The following STK10 variants were observed in gnomAD, a reference collection of about 807,000 sequenced individuals.
The protein encoded by STK10 is serine/threonine-protein kinase 10.
In STK10, 78 loss-of-function variants were observed where a neutral mutation model predicts 113.8. The ratio of observed to expected loss-of-function variants is 0.69; its 90% confidence interval spans 0.57 to 0.83. The LOEUF is 0.83. Ranked by LOEUF, STK10 falls within the 40% of genes least tolerant of loss-of-function variation. The pLI is 0.00. For missense variants in STK10, 1,109 were observed against 1,280.1 expected (o/e 0.87, Z 2.04); for synonymous variants, 465 against 494.7 (o/e 0.94, Z 0.80).
intron 13 of STK10, among the ~76,000 whole-genome samples, chr5:172,062,968 G>A (rs1767968344): frequency 6.6e-6 from 1 of 152,118 alleles, no homozygotes; most frequent in Non-Finnish European, 1.5e-5. Context: ...GTGATCTTCT[G>A]GCCAGGTGCA....
At chr5:172,115,350 G>A (rs10073070) in intron 4 of STK10, among the ~76,000 whole-genome samples, 7,631 of 152,208 alleles carry the variant, frequency 0.05, 661 homozygotes, top group African/African-American at 0.17. Context: ...AGATGATGCC[G>A]GGAAATGTGA....
At chr5:172,089,970 C>T (rs577884256) in intron 10 of STK10, among the ~76,000 whole-genome samples, 3 of 150,130 alleles carry the variant, frequency 2.0e-5, no homozygotes, top group South Asian at 2.1e-4. Flanking sequence ...GATGGGTAGA[C>T]GGATGGGTGG....
In STK10 at chr5:172,082,419, G is replaced by T. The variant is rs762762592; in HGVS notation, c.1896C>A (p.Ala632=). The change falls in exon 12 of 19, where the codon GCC becomes GCA. Residue 632 remains alanine (A), a synonymous_variant. Coordinates refer to ENST00000176763, the MANE Select transcript of STK10 (RefSeq NM_005990.4). This position sits in a 1 kb window ranked among gnomAD's most constrained non-coding sequence, Gnocchi z 4.3. Reference sequence around the variant, plus strand: ...GCCTGGCCTCCTCCCGGCGGCGCACGGCATGGTCTTGCTCCATCTTCTCCA... The same window carrying T: ...GCCTGGCCTCCTCCCGGCGGCGCACTGCATGGTCTTGCTCCATCTTCTCCA... ...QQVEKMEQDH[A]VRRREEARRI... The T allele has an allele frequency of 3.1e-6, 5 of 1,611,762 alleles. No individual in the cohort carries two copies. The South Asian group carries it at 4.4e-5, about 14-fold the overall frequency.
At chr5:172,175,850 A>C (rs1026260006) in intron 1 of STK10, among the ~76,000 whole-genome samples, 2 of 152,180 alleles carry the variant, frequency 1.3e-5, no homozygotes, top group Non-Finnish European at 2.9e-5. Context: ...TGTGACCCTG[A>C]GTAAGTCACT....
intron 3 of STK10, among the ~76,000 whole-genome samples, chr5:172,124,800 G>A (rs1480874606): frequency 6.6e-6 from 1 of 152,072 alleles, no homozygotes; most frequent in African/African-American, 2.4e-5. Flanking sequence ...AACGGTCTCT[G>A]TGCAACTGCC....
At chr5:172,150,576 G>A (rs548189760) in intron 2 of STK10, among the ~76,000 whole-genome samples, 3 of 152,036 alleles carry the variant, frequency 2.0e-5, no homozygotes, top group African/African-American at 7.2e-5. Context: ...AAAGTACACA[G>A]CACTGTCAGC....
At position 172,055,658 on chromosome 5, in the gene STK10, G is replaced by A; in HGVS notation, c.2456C>T (p.Ala819Val). Residue 819 changes from alanine (A) to valine (V), a missense_variant, in exon 16 of 19, where the codon GCC (alanine) becomes GTC (valine). Physicochemically the swap from Ala to Val is moderately conservative, Grantham distance 64. Transcript: ENST00000176763. Reference sequence around the variant, plus strand: ...GATGTGGAGGCTCTTCTTGTACATGGCCATGCGCGTCTTGCCCTCACTCCT... The same window carrying A: ...GATGTGGAGGCTCTTCTTGTACATGACCATGCGCGTCTTGCCCTCACTCCT... ...IQRSEGKTRMAMYKKSLHING... is the reference protein window; with the variant it reads ...IQRSEGKTRMVMYKKSLHING... 1 of 1,581,214 alleles carries A rather than the reference G, an allele frequency of 6.3e-7. No homozygotes were observed. Among genetic ancestry groups the A allele is most frequent in the East Asian group, 2.3e-5 (1 of 42,958 alleles).
At chr5:172,107,065 C>G (rs1018779030) in intron 5 of STK10, 7 of 284,704 alleles carry the variant, frequency 2.5e-5, no homozygotes, top group South Asian at 1.7e-4. Context: ...CAACCCGGAA[C>G]ACAGAGTCCT....
chr5:172,171,631 C>T (rs376651684), intron 1 of STK10, among the ~76,000 whole-genome samples: 17 of 151,854 alleles, frequency 1.1e-4, no homozygotes, highest in East Asian at 5.8e-4. Context: ...AGGAGAATCA[C>T]TTGGACCCGT....
At chr5:172,065,394 T>A (rs1768047150) in intron 12 of STK10, among the ~76,000 whole-genome samples, 1 of 151,948 alleles carries the variant, frequency 6.6e-6, no homozygotes, top group Non-Finnish European at 1.5e-5. Context: ...CTGGCTAATT[T>A]TTGTATTTTT....
chr5:172,086,590 C>A (rs1768566738), intron 10 of STK10, among the ~76,000 whole-genome samples: 1 of 152,188 alleles, frequency 6.6e-6, no homozygotes, highest in Non-Finnish European at 1.5e-5. Flanking sequence ...CCTCATCAGT[C>A]TGAGAATGTG....
At position 172,120,939 on chromosome 5, in the gene STK10, G is replaced by A. The variant is rs1324508133; in HGVS notation, c.371-3309C>T. Among the ~76,000 whole-genome samples the A allele has an allele frequency of 6.6e-6, 1 of 152,110 alleles. No homozygotes were observed. The highest frequency in any genetic ancestry group is 1.5e-5 in the Non-Finnish European group (1 of 68,034). On this transcript the variant is annotated intron_variant, in intron 3 of 18. Transcript: ENST00000176763. This position sits in a 1 kb window ranked among gnomAD's most constrained non-coding sequence, Gnocchi z 4.0. ...TCAGGCATGAGGATAAGGACACGGT[G>A]CATACTGTCATTTAATCCTCGCAGT...
At chr5:172,115,818 A>G (rs1459089383) in intron 4 of STK10, among the ~76,000 whole-genome samples, 1 of 152,226 alleles carries the variant, frequency 6.6e-6, no homozygotes, top group East Asian at 1.9e-4. Flanking sequence ...GGCTCAGTGC[A>G]TGGTAGCTCT....
At chr5:172,062,828 C>T (rs893267226) in intron 13 of STK10, among the ~76,000 whole-genome samples, 3 of 152,130 alleles carry the variant, frequency 2.0e-5, no homozygotes, top group South Asian at 2.1e-4. Context: ...CGGAGATGGC[C>T]GCACAATGTG....
At chr5:172,083,281 G>A (rs759477251) in intron 10 of STK10, among the ~76,000 whole-genome samples, 197 bp from the exon 11 acceptor site, 2 of 152,014 alleles carry the variant, frequency 1.3e-5, no homozygotes, top group Non-Finnish European at 2.9e-5. Context: ...AATAAAGAGT[G>A]CTTACAAATC....
intron 1 of STK10, among the ~76,000 whole-genome samples, chr5:172,168,519 G>A (rs747512265): frequency 6.6e-6 from 1 of 152,154 alleles, no homozygotes; most frequent in Non-Finnish European, 1.5e-5. Context: ...TATGCACCAC[G>A]GGCCTGGGCC....
intron 1 of STK10, among the ~76,000 whole-genome samples, chr5:172,164,352 C>T (rs1770527234): frequency 6.6e-6 from 1 of 152,150 alleles, no homozygotes; most frequent in Admixed American, 6.5e-5. Context: ...CATCCTGCCC[C>T]TAAGGGGGCC....
At chr5:172,150,493 A>AAAAG (rs1309797989) in intron 2 of STK10, among the ~76,000 whole-genome samples, 3 of 152,004 alleles carry the variant, frequency 2.0e-5, no homozygotes, top group East Asian at 1.9e-4. Context: ...AAAAAAAAAA[A>AAAAG]AAAGAAAGAA....
chr5:172,129,472 C>A (rs998525963), intron 2 of STK10, among the ~76,000 whole-genome samples: 1 of 152,174 alleles, frequency 6.6e-6, no homozygotes, highest in Non-Finnish European at 1.5e-5. Flanking sequence ...TGACCTGTCA[C>A]CCTTGAATAA....
Sources: allele counts gnomAD v4.1 joint callset (sites outside exome capture counted in the v4.1 genomes callset), GRCh38; gene constraint gnomAD v4.1.1; non-coding constraint Gnocchi (gnomAD v3.1); transcripts MANE v1.5; gene names NCBI Gene and HGNC (gene_info 2026-07-23, HGNC 2026-07-21).